NVL: variants seen among roughly 807,000 people sequenced by gnomAD.
NVL encodes the protein nuclear VCP like, also known as nuclear valosin-containing protein-like.
NVL carries 84 observed loss-of-function variants against 110.2 expected under a neutral mutation model. The ratio of observed to expected loss-of-function variants is 0.76; its 90% CI spans 0.64 to 0.91. NVL has a LOEUF of 0.91. Among genes scored for constraint, NVL ranks in the 40% least tolerant of loss-of-function variants. The probability of loss-of-function intolerance (pLI) is 0.00; values close to 1 mark genes in which losing one functional copy is unlikely to be tolerated. For missense variants in NVL, 882 were observed against 1,035.9 expected (o/e 0.85, Z 2.04); for synonymous variants, 354 against 361.1 (o/e 0.98, Z 0.22).
chr1:224,308,928 G>A (rs2102725286), intron 5 of NVL, among the ~76,000 whole-genome samples: 1 of 151,704 alleles, frequency 6.6e-6, no homozygotes, highest in East Asian at 2.0e-4. Context: ...AGGCGTGATG[G>A]CGGACGCCTG....
intron 15 of NVL, among the ~76,000 whole-genome samples, chr1:224,283,370 C>A (rs1405102376): frequency 6.6e-6 from 1 of 152,030 alleles, no homozygotes; most frequent in Non-Finnish European, 1.5e-5. Flanking sequence ...ACCTGTAGTC[C>A]CAGCTACTCA....
chr1:224,305,141 T>TC lies in NVL; in HGVS notation c.640dup (p.Glu214GlyfsTer3). ...CTTGCCTTTCCGTTTCATATCACTC[T>TC]CCAAAAGAGAAGAATCTTTTGAATC... On this transcript the variant is annotated frameshift_variant, in exon 7 of 23. Coordinates refer to ENST00000281701, the MANE Select transcript of NVL (RefSeq NM_002533.4). LOFTEE classifies it high-confidence loss of function. 1 of 1,610,308 alleles carries TC rather than the reference T, an allele frequency of 6.2e-7. No homozygotes were observed. The highest frequency in any genetic ancestry group is 2.2e-5 in the East Asian group (1 of 44,868).
At chr1:224,283,753 C>A (rs183431089) in intron 15 of NVL, among the ~76,000 whole-genome samples, 1 of 152,240 alleles carries the variant, frequency 6.6e-6, no homozygotes, top group South Asian at 2.1e-4. Flanking sequence ...GCATGCAGAA[C>A]CTTCTTTCTG....
At position 224,303,839 on chromosome 1, in the gene NVL, T is replaced by C. The variant is rs368159089; in HGVS notation, c.844A>G (p.Ile282Val). The C allele has an allele frequency of 3.1e-5, 50 of 1,612,896 alleles. No homozygotes were observed. In the East Asian group the frequency reaches 9.6e-4, roughly 31 times the overall value. The change falls in exon 9 of 23, where the codon ATA (isoleucine) becomes GTA (valine). Residue 282 changes from isoleucine to valine, a missense_variant. By Grantham distance (29) the Ile-to-Val change is conservative. This residue lies in a region of NVL where 416 missense variants were observed against 499.3 expected (regional missense o/e 0.83). Transcript: ENST00000281701. The stretch of plus-strand genomic sequence containing the variant: ...TACACCTCCGGGTGACGCATGTGTA[T>C]GAGCATCTTGCAGACCTCCTAGCAG... ...MTLKEVCKMLIHMRHPEVYHH... is the reference protein window; with the variant it reads ...MTLKEVCKMLVHMRHPEVYHH...
chr1:224,233,041 A>C (rs544627333), intron 21 of NVL, 160 bp downstream of exon 21: 1 of 549,200 alleles, frequency 1.8e-6, no homozygotes, highest in East Asian at 3.0e-5. Flanking sequence ...TGTCAGCAAC[A>C]GAGGTTACCT....
intron 17 of NVL, among the ~76,000 whole-genome samples, chr1:224,272,327 A>C (rs1665204488): frequency 1.3e-5 from 2 of 151,970 alleles, no homozygotes; most frequent in Admixed American, 6.6e-5. Flanking sequence ...CTTGAGTGAG[A>C]GTGAGACTCT....
At position 224,285,027 on chromosome 1, in the gene NVL, A is replaced by G. The variant is rs114513119; in HGVS notation, c.1899+999T>C. On this transcript the variant is annotated intron_variant, in intron 15 of 22. Coordinates refer to ENST00000281701, the MANE Select transcript of NVL (RefSeq NM_002533.4). Reference sequence around the variant, plus strand: ...GGATCATTTCCATAAATTATAGAACATCTATCTTTATGGTAGAATATTATG... The same window carrying G: ...GGATCATTTCCATAAATTATAGAACGTCTATCTTTATGGTAGAATATTATG... 2.1e-3 allele frequency among the ~76,000 whole-genome samples: 320 copies of G among 152,360 alleles called. 2 individuals are homozygous for G. The highest frequency in any genetic ancestry group is 7.0e-3 in the African/African-American group (292 of 41,584).
intron 16 of NVL, among the ~76,000 whole-genome samples, chr1:224,280,816 C>T (rs1173731531): frequency 6.6e-6 from 1 of 152,148 alleles, no homozygotes; most frequent in African/African-American, 2.4e-5. Context: ...ATATGGAACT[C>T]ATCTGAGCCA....
chr1:224,270,680 T>C (rs1460852529), intron 17 of NVL, among the ~76,000 whole-genome samples: 4 of 152,090 alleles, frequency 2.6e-5, no homozygotes, highest in Non-Finnish European at 5.9e-5. Flanking sequence ...CTTTCCATCA[T>C]AGAGTACCAA....
chr1:224,323,254 G>C (rs942734311), intron 2 of NVL, among the ~76,000 whole-genome samples: 6 of 152,150 alleles, frequency 3.9e-5, no homozygotes, highest in Non-Finnish European at 8.8e-5. Flanking sequence ...GTGTTGAAGT[G>C]TGGCCTGATT....
At position 224,250,307 on chromosome 1, in the gene NVL, G is replaced by T; in HGVS notation, c.2194C>A (p.Pro732Thr). Reference sequence around the variant, plus strand: ...AGGCGGCCCGGGCGCAGGATTGCAGGGTCAATTATATCTAGAGAAGAAGGG... The same window carrying T: ...AGGCGGCCCGGGCGCAGGATTGCAGTGTCAATTATATCTAGAGAAGAAGGG... Reference protein sequence around the residue: ...AATNRPDIIDPAILRPGRLDK... With the variant: ...AATNRPDIIDTAILRPGRLDK... The change falls in exon 19 of 23, where the codon CCT becomes ACT. Residue 732 changes from proline to threonine, a missense_variant. Pro to Thr is a conservative substitution (Grantham distance 38, BLOSUM62 -1). Coordinates refer to ENST00000281701, the MANE Select transcript of NVL (RefSeq NM_002533.4). The T allele has an allele frequency of 6.3e-7, 1 of 1,579,298 alleles. No individual in the cohort carries two copies. Among genetic ancestry groups the T allele is most frequent in the Non-Finnish European group, 8.6e-7 (1 of 1,167,314 alleles).
intron 12 of NVL, among the ~76,000 whole-genome samples, chr1:224,290,369 A>C (rs1466392369): frequency 6.6e-6 from 1 of 152,248 alleles, no homozygotes; most frequent in Non-Finnish European, 1.5e-5. Flanking sequence ...AAGATATTCA[A>C]GATGAGGGCA....
intron 12 of NVL, among the ~76,000 whole-genome samples, chr1:224,290,590 C>A (rs1667272293): frequency 6.6e-6 from 1 of 152,070 alleles, no homozygotes; most frequent in African/African-American, 2.4e-5. Flanking sequence ...ATCACGAGGT[C>A]AGGAGATCAA....
chr1:224,248,267 G>A (rs531193504), intron 19 of NVL, among the ~76,000 whole-genome samples: 6 of 152,292 alleles, frequency 3.9e-5, no homozygotes, highest in African/African-American at 1.4e-4. Context: ...CAGTTCTCAT[G>A]TCTATATCTT....
chr1:224,278,171 A>G (rs947961987), intron 16 of NVL, among the ~76,000 whole-genome samples: 12 of 150,320 alleles, frequency 8.0e-5, no homozygotes, highest in African/African-American at 2.9e-4. Flanking sequence ...AATGTCCTAG[A>G]GTGAACTCAT....
At chr1:224,271,968 T>C (rs138081346) in intron 17 of NVL, among the ~76,000 whole-genome samples, 9,697 of 143,544 alleles carry the variant, frequency 0.068, 379 homozygotes, top group African/African-American at 0.11. Flanking sequence ...GAGCCGAGAT[T>C]GCGCCACTGC....
chr1:224,274,278 G>A (rs535611672), intron 17 of NVL, among the ~76,000 whole-genome samples: 29 of 149,316 alleles, frequency 1.9e-4, no homozygotes, highest in Middle Eastern at 3.8e-3. Context: ...GAGAAAGAGT[G>A]AGACTCTGTT....
At chr1:224,291,242 G>A (rs1431350627) in intron 12 of NVL, among the ~76,000 whole-genome samples, 1 of 152,050 alleles carries the variant, frequency 6.6e-6, no homozygotes, top group East Asian at 1.9e-4. Context: ...TTTTGCTCTT[G>A]TTGCCCTGGC....
intron 2 of NVL, among the ~76,000 whole-genome samples, chr1:224,322,739 A>C (rs1421721571): frequency 6.6e-5 from 10 of 152,156 alleles, no homozygotes; most frequent in Admixed American, 6.5e-4. Context: ...AGATTGCCTG[A>C]GCTCAGGAGT....
Sources: allele counts gnomAD v4.1 joint callset (sites outside exome capture counted in the v4.1 genomes callset), GRCh38; gene constraint gnomAD v4.1.1; regional missense constraint gnomAD v4.1.1; transcripts MANE v1.5; gene names NCBI Gene and HGNC (gene_info 2026-07-23, HGNC 2026-07-21).